Variants in ACTL8 observed in about 807,000 individuals in gnomAD.
ACTL8 encodes the protein actin-like protein 8.
In ACTL8, 3 loss-of-function variants were observed where a neutral mutation model predicts 9.3. The ratio of observed to expected loss-of-function variants is 0.32; its 90% CI spans 0.15 to 0.83. ACTL8 has a LOEUF of 0.83. Ranked by LOEUF, ACTL8 falls within the 40% of genes least tolerant of loss-of-function variation. The pLI, the probability that ACTL8 is intolerant of heterozygous loss-of-function variation, is 0.57. For synonymous variants in ACTL8, 224 were observed against 205.9 expected (o/e 1.09, Z -0.75); for missense variants, 381 against 492.2 (o/e 0.77, Z 2.14).
At chr1:17,818,213 A>G (rs1339181337) in intron 1 of ACTL8, among the ~76,000 whole-genome samples, 1 of 152,170 alleles carries the variant, frequency 6.6e-6, no homozygotes, top group Non-Finnish European at 1.5e-5. Context: ...AAATTGTGGT[A>G]TCTTCCTTCA....
intron 1 of ACTL8, among the ~76,000 whole-genome samples, chr1:17,806,905 G>A (rs910168507): frequency 1.3e-5 from 2 of 152,200 alleles, no homozygotes; most frequent in Non-Finnish European, 2.9e-5. Flanking sequence ...TCAGAAGCAC[G>A]GGATGCGTCC....
At chr1:17,813,503 C>CT (rs1392696801) in intron 1 of ACTL8, among the ~76,000 whole-genome samples, 1 of 152,128 alleles carries the variant, frequency 6.6e-6, no homozygotes, top group African/African-American at 2.4e-5. Context: ...GTGTACTATT[C>CT]TTTTTATATA....
At chr1:17,787,906 C>T (rs140099459) in intron 1 of ACTL8, among the ~76,000 whole-genome samples, 29 of 152,326 alleles carry the variant, frequency 1.9e-4, no homozygotes, top group African/African-American at 6.5e-4. Flanking sequence ...ATCTTGCCAG[C>T]AAGAGATGTT....
intron 1 of ACTL8, among the ~76,000 whole-genome samples, chr1:17,788,215 G>T (rs1429837977): frequency 6.6e-6 from 1 of 152,156 alleles, no homozygotes; most frequent in African/African-American, 2.4e-5. Context: ...GATATCCTTT[G>T]CTATGTAGAA....
At chr1:17,797,983 G>A (rs905535681) in intron 1 of ACTL8, among the ~76,000 whole-genome samples, 1 of 152,174 alleles carries the variant, frequency 6.6e-6, no homozygotes, top group African/African-American at 2.4e-5. Context: ...TCGAATCTGA[G>A]TGGGGCAGAG....
intron 1 of ACTL8, among the ~76,000 whole-genome samples, chr1:17,819,936 G>A (rs2053638386): frequency 6.6e-6 from 1 of 151,986 alleles, no homozygotes; most frequent in Non-Finnish European, 1.5e-5. Flanking sequence ...TTGAGCCCAG[G>A]AGATTGAGGC....
intron 1 of ACTL8, among the ~76,000 whole-genome samples, chr1:17,816,542 C>T (rs1310037734): frequency 6.6e-6 from 1 of 152,150 alleles, no homozygotes; most frequent in Non-Finnish European, 1.5e-5. Context: ...AATATTTGAG[C>T]ATTATGCTGT....
intron 1 of ACTL8, among the ~76,000 whole-genome samples, chr1:17,761,350 T>C (rs2066001329): frequency 6.6e-6 from 1 of 151,990 alleles, no homozygotes. Flanking sequence ...AATAAATGCA[T>C]GTTTCTGCTT....
At chr1:17,805,105 C>G (rs2066349479) in intron 1 of ACTL8, among the ~76,000 whole-genome samples, 2 of 152,106 alleles carry the variant, frequency 1.3e-5, no homozygotes, top group South Asian at 4.2e-4. Context: ...CAGGACCTCA[C>G]TTCCTCTCCC....
At chr1:17,780,115 G>A (rs1371445083) in intron 1 of ACTL8, among the ~76,000 whole-genome samples, 3 of 152,124 alleles carry the variant, frequency 2.0e-5, no homozygotes, top group Non-Finnish European at 4.4e-5. Context: ...GCTGAGGTGG[G>A]AGGATTGCTT....
intron 1 of ACTL8, among the ~76,000 whole-genome samples, chr1:17,788,619 T>G (rs1200651136): frequency 1.3e-5 from 2 of 152,128 alleles, no homozygotes; most frequent in Non-Finnish European, 2.9e-5. Context: ...GAGGGTGGTA[T>G]GAGAGAATTC....
intron 1 of ACTL8, among the ~76,000 whole-genome samples, chr1:17,787,296 A>G (rs2066204752): frequency 6.6e-6 from 1 of 151,934 alleles, no homozygotes; most frequent in Non-Finnish European, 1.5e-5. Flanking sequence ...AGACAGTCTC[A>G]TTCTGTCACT....
intron 1 of ACTL8, among the ~76,000 whole-genome samples, chr1:17,806,390 C>G (rs1316813878): frequency 6.6e-6 from 1 of 152,214 alleles, no homozygotes; most frequent in East Asian, 1.9e-4. Flanking sequence ...GTTTCTCCTT[C>G]TCTTTCTTCT....
intron 1 of ACTL8, among the ~76,000 whole-genome samples, chr1:17,785,265 T>C (rs148244514): frequency 6.2e-4 from 94 of 152,312 alleles, no homozygotes; most frequent in African/African-American, 2.0e-3. Context: ...AGACTGGAAG[T>C]AAGACCTGTT....
chr1:17,763,706 A>G (rs4920633), intron 1 of ACTL8, among the ~76,000 whole-genome samples: 48,525 of 152,126 alleles, frequency 0.32, 7,908 homozygotes, highest in Admixed American at 0.4. Flanking sequence ...AGTGGCACCT[A>G]GGGCAGGGGA....
chr1:17,825,216 G>A (rs2124197334), intron 2 of ACTL8, among the ~76,000 whole-genome samples: 1 of 152,092 alleles, frequency 6.6e-6, no homozygotes, highest in South Asian at 2.1e-4. Context: ...AAAAAATAAG[G>A]CTTTTCCTGC....
chr1:17,788,348 A>T (rs1298866200), intron 1 of ACTL8, among the ~76,000 whole-genome samples: 3 of 152,056 alleles, frequency 2.0e-5, no homozygotes, highest in African/African-American at 7.2e-5. Flanking sequence ...CCTTCCTTTC[A>T]CATCCACAGC....
intron 1 of ACTL8, among the ~76,000 whole-genome samples, chr1:17,761,798 C>T (rs1227771235): frequency 2.0e-5 from 3 of 152,024 alleles, no homozygotes; most frequent in African/African-American, 4.8e-5. Flanking sequence ...CTCGAACTCC[C>T]GACCTCAGGT....
chr1:17,817,189 AT>A (rs34552700), intron 1 of ACTL8, among the ~76,000 whole-genome samples: 3,768 of 136,750 alleles, frequency 0.028, 141 homozygotes, highest in African/African-American at 0.087. Flanking sequence ...CCTTAATGCC[AT>A]TTTTTTTTTT....
Sources: allele counts gnomAD v4.1 joint callset (sites outside exome capture counted in the v4.1 genomes callset), GRCh38; gene constraint gnomAD v4.1.1; transcripts MANE v1.5; gene names NCBI Gene and HGNC (gene_info 2026-07-23, HGNC 2026-07-21).